VPS13B: variants seen among roughly 807,000 people sequenced by gnomAD.
VPS13B encodes vacuolar protein sorting 13 homolog B.
Under a neutral mutation model 426.4 loss-of-function variants are expected in VPS13B, and 285 were observed. The observed-to-expected ratio is 0.67, with a 90% CI of 0.61 to 0.74. The LOEUF (loss-of-function observed/expected upper bound fraction) is 0.74. Among genes scored for constraint, VPS13B ranks in the 30% least tolerant of loss-of-function variants. The pLI, the probability that VPS13B is intolerant of heterozygous loss-of-function variation, is 0.00. For missense variants in VPS13B, 4,537 were observed against 4,782.6 expected (o/e 0.95, Z 1.51); for synonymous variants, 1,676 against 1,676.4 (o/e 1.00, Z 0.01).
At chr8:99,323,499 G>A (rs1242818498) in intron 19 of VPS13B, among the ~76,000 whole-genome samples, 2 of 152,124 alleles carry the variant, frequency 1.3e-5, no homozygotes, top group Admixed American at 6.5e-5. Context: ...TTGCAATATG[G>A]CTTATTAACC....
chr8:99,306,504 T>C (rs962699904), intron 19 of VPS13B, among the ~76,000 whole-genome samples: 39 of 152,118 alleles, frequency 2.6e-4, no homozygotes, highest in Non-Finnish European at 1.6e-4. Context: ...ATACTAATTA[T>C]GTTTATTGTA....
chr8:99,751,715 A>G (rs986840093), intron 39 of VPS13B, among the ~76,000 whole-genome samples: 1 of 152,206 alleles, frequency 6.6e-6, no homozygotes, highest in Non-Finnish European at 1.5e-5. Flanking sequence ...ACTTTCAATA[A>G]AGTACAGACA....
At chr8:99,838,216 GA>G (rs1364637405) in intron 54 of VPS13B, among the ~76,000 whole-genome samples, 1 of 152,218 alleles carries the variant, frequency 6.6e-6, no homozygotes, top group Non-Finnish European at 1.5e-5. Context: ...CCAGAGACCT[GA>G]AGGTGGCACC....
chr8:99,674,569 A>G (rs928640543), intron 35 of VPS13B, among the ~76,000 whole-genome samples: 6 of 152,028 alleles, frequency 3.9e-5, no homozygotes, highest in African/African-American at 9.7e-5. Flanking sequence ...AGCCATTTAC[A>G]TTCAAGGTAG....
chr8:99,203,708 A>C (rs557039756), intron 17 of VPS13B, among the ~76,000 whole-genome samples: 1 of 152,324 alleles, frequency 6.6e-6, no homozygotes, highest in Non-Finnish European at 1.5e-5. Context: ...AAGCATTCCT[A>C]TACACCAATA....
intron 19 of VPS13B, among the ~76,000 whole-genome samples, chr8:99,319,559 C>A (rs1185851142): frequency 6.6e-6 from 1 of 152,146 alleles, no homozygotes; most frequent in Non-Finnish European, 1.5e-5. Context: ...GGACATTGAA[C>A]AACTTCATTA....
intron 4 of VPS13B, among the ~76,000 whole-genome samples, chr8:99,098,584 G>A (rs1238532330): frequency 1.3e-5 from 2 of 152,044 alleles, no homozygotes; most frequent in African/African-American, 4.8e-5. Context: ...GCAAACATAT[G>A]TAGGTAAGTC....
At chr8:99,441,148 C>A (rs1377981048) in intron 22 of VPS13B, among the ~76,000 whole-genome samples, 2 of 151,974 alleles carry the variant, frequency 1.3e-5, no homozygotes, top group Non-Finnish European at 2.9e-5. Flanking sequence ...CTTCACAAAC[C>A]AATGCGTTTA....
At chr8:99,841,531 A>C (rs1815683324) in intron 54 of VPS13B, among the ~76,000 whole-genome samples, 1 of 152,168 alleles carries the variant, frequency 6.6e-6, no homozygotes, top group African/African-American at 2.4e-5. Context: ...AGCTCTCTAA[A>C]GGTATAGTCA....
chr8:99,161,515 A>T (rs1008889390), intron 15 of VPS13B, among the ~76,000 whole-genome samples: 10 of 152,232 alleles, frequency 6.6e-5, no homozygotes, highest in South Asian at 2.1e-4. Flanking sequence ...TTTCCAGTGT[A>T]ATGTAAAAGT....
chr8:99,287,602 T>G (rs1190312321), intron 19 of VPS13B, among the ~76,000 whole-genome samples: 1 of 151,968 alleles, frequency 6.6e-6, no homozygotes, highest in African/African-American at 2.4e-5. Flanking sequence ...TGGAAATATA[T>G]GATAGCCAAA....
chr8:99,387,637 C>T (rs1486566715), intron 20 of VPS13B, among the ~76,000 whole-genome samples: 1 of 151,998 alleles, frequency 6.6e-6, no homozygotes, highest in African/African-American at 2.4e-5. Flanking sequence ...GAATGTTCCC[C>T]CTGCCCCACC....
chr8:99,292,662 A>C (rs1206731562), intron 19 of VPS13B, among the ~76,000 whole-genome samples: 1 of 152,162 alleles, frequency 6.6e-6, no homozygotes, highest in Non-Finnish European at 1.5e-5. Flanking sequence ...TTTATCCCAT[A>C]TATTGGGATC....
At chr8:99,863,492 G>T (rs763085409) in intron 58 of VPS13B, among the ~76,000 whole-genome samples, 1 of 152,108 alleles carries the variant, frequency 6.6e-6, no homozygotes, top group Non-Finnish European at 1.5e-5. Context: ...AAGAGAGAGA[G>T]AGAGACCCAC....
At chr8:99,527,272 A>G (rs146742130) in intron 30 of VPS13B, among the ~76,000 whole-genome samples, 5 of 152,152 alleles carry the variant, frequency 3.3e-5, no homozygotes, top group Non-Finnish European at 7.4e-5. Context: ...CACTTCTGTT[A>G]ACTAACACCT....
chr8:99,554,024 A>G (rs1480628174), intron 30 of VPS13B, among the ~76,000 whole-genome samples: 3 of 151,992 alleles, frequency 2.0e-5, no homozygotes, highest in African/African-American at 4.8e-5. Flanking sequence ...AGCTTAATTT[A>G]AGTCCAAAAA....
chr8:99,298,566 G>C (rs1820171154), intron 19 of VPS13B, among the ~76,000 whole-genome samples: 1 of 152,082 alleles, frequency 6.6e-6, no homozygotes. Context: ...GATTATCTTG[G>C]AGATCGTCAA....
chr8:99,842,264 T>C (rs1018435722), intron 54 of VPS13B, among the ~76,000 whole-genome samples: 5 of 152,152 alleles, frequency 3.3e-5, no homozygotes, highest in African/African-American at 4.8e-5. Flanking sequence ...TTTAGACATA[T>C]CAACTTGCAG....
intron 4 of VPS13B, among the ~76,000 whole-genome samples, chr8:99,100,805 G>A (rs1846691852): frequency 6.6e-6 from 1 of 151,988 alleles, no homozygotes; most frequent in Non-Finnish European, 1.5e-5. Context: ...TACTTTGGGA[G>A]GCCAAGGAGG....
Sources: allele counts gnomAD v4.1 joint callset (sites outside exome capture counted in the v4.1 genomes callset), GRCh38; gene constraint gnomAD v4.1.1; transcripts MANE v1.5; gene names NCBI Gene and HGNC (gene_info 2026-07-23, HGNC 2026-07-21).